ZFP64: variants seen among roughly 807,000 people sequenced by gnomAD.
ZFP64 encodes ZFP64 zinc finger protein, also known as zinc finger protein 64.
Under a neutral mutation model 51.6 loss-of-function variants are expected in ZFP64, and 14 were observed. That is an observed-to-expected ratio of 0.27 (90% CI 0.18 to 0.42). The LOEUF (loss-of-function observed/expected upper bound fraction) is 0.42. Ranked by LOEUF, ZFP64 falls within the 10% of genes least tolerant of loss-of-function variation. ZFP64 has a pLI of 1.00. For missense variants in ZFP64, 754 were observed against 906.8 expected, an observed-to-expected ratio of 0.83 and a Z score of 2.16; for synonymous variants, 375 against 361.4, an observed-to-expected ratio of 1.04 and a Z score of -0.43.
Position 52,129,614 on chromosome 20 carries a change from G to A in ZFP64, c.763+30509C>T, listed in dbSNP as rs1400484238. Among the ~76,000 whole-genome samples, 3 of 152,176 alleles carry A rather than the reference G, an allele frequency of 2.0e-5. No individual in the cohort carries two copies. The East Asian group carries it at 5.8e-4, about 30-fold the overall frequency. ...TTGTCTTCAATTGTGTAACTCCTAT[G>A]TAGCATTTTGACTCAGCTCAGGTGC... On this transcript the variant is annotated intron_variant, in intron 5 of 8. Transcript: ENST00000361387.
At chr20:52,132,232 G>A (rs1228845507) in intron 5 of ZFP64, among the ~76,000 whole-genome samples, 1 of 151,942 alleles carries the variant, frequency 6.6e-6, no homozygotes, top group Non-Finnish European at 1.5e-5. Flanking sequence ...GCATTAAAAG[G>A]AAAGTTTATA....
At chr20:52,135,324 T>C (rs1047228616) in intron 5 of ZFP64, among the ~76,000 whole-genome samples, 1 of 152,196 alleles carries the variant, frequency 6.6e-6, no homozygotes, top group African/African-American at 2.4e-5. Context: ...ATTTCCCTGC[T>C]ACCCCAGTGG....
chr20:52,174,082 C>T (rs1231597812), intron 2 of ZFP64, among the ~76,000 whole-genome samples: 1 of 152,082 alleles, frequency 6.6e-6, no homozygotes, highest in Non-Finnish European at 1.5e-5. Context: ...TGTTTCTTTC[C>T]ATTACTGTTC....
intron 2 of ZFP64, among the ~76,000 whole-genome samples, chr20:52,169,682 A>C (rs1323655283): frequency 6.6e-6 from 1 of 152,104 alleles, no homozygotes; most frequent in Non-Finnish European, 1.5e-5. Flanking sequence ...CAGATGTATA[A>C]TTTGCAAATA....
At chr20:52,100,654 T>C (rs948138150) in intron 5 of ZFP64, among the ~76,000 whole-genome samples, 1 of 152,164 alleles carries the variant, frequency 6.6e-6, no homozygotes, top group Non-Finnish European at 1.5e-5. Context: ...TATTGAGAAG[T>C]TTGTGCGGGT....
At chr20:52,104,443 A>G (rs2079087914) in intron 5 of ZFP64, among the ~76,000 whole-genome samples, 1 of 152,186 alleles carries the variant, frequency 6.6e-6, no homozygotes, top group Non-Finnish European at 1.5e-5. Flanking sequence ...GTTAAGTGCG[A>G]CAGCATCACT....
chr20:52,104,151 A>G (rs6091441), intron 5 of ZFP64, among the ~76,000 whole-genome samples: 27,475 of 152,256 alleles, frequency 0.18, 2,623 homozygotes, highest in Non-Finnish European at 0.21. Context: ...GTAGGAACCT[A>G]CAATCTCTTA....
intron 5 of ZFP64, among the ~76,000 whole-genome samples, chr20:52,103,958 T>C (rs1240017004): frequency 1.3e-5 from 2 of 152,128 alleles, no homozygotes; most frequent in South Asian, 2.1e-4. Context: ...GTGGTGGAAG[T>C]TGATGCGGAA....
At chr20:52,095,856 C>A (rs1362065854) in intron 7 of ZFP64, among the ~76,000 whole-genome samples, 1 of 152,202 alleles carries the variant, frequency 6.6e-6, no homozygotes, top group Non-Finnish European at 1.5e-5. Flanking sequence ...ATGGCAGTAG[C>A]CTAGCCCCAG....
chr20:52,107,324 G>A (rs1266303603), intron 5 of ZFP64, among the ~76,000 whole-genome samples: 2 of 151,996 alleles, frequency 1.3e-5, no homozygotes, highest in African/African-American at 4.8e-5. Flanking sequence ...CATTATTACT[G>A]GCCTATTGTT....
At chr20:52,158,069 T>C (rs920449161) in intron 5 of ZFP64, among the ~76,000 whole-genome samples, 37 of 152,216 alleles carry the variant, frequency 2.4e-4, no homozygotes, top group Non-Finnish European at 3.4e-4. Context: ...CAGTCTATCA[T>C]TGATGGGCAT....
At chr20:52,185,338 T>C (rs190024357) in intron 2 of ZFP64, among the ~76,000 whole-genome samples, 2 of 152,272 alleles carry the variant, frequency 1.3e-5, no homozygotes, top group African/African-American at 4.8e-5. Flanking sequence ...CATGAAGTTT[T>C]ATAGAATGAA....
At chr20:52,133,456 C>T (rs1317796368) in intron 5 of ZFP64, among the ~76,000 whole-genome samples, 1 of 152,082 alleles carries the variant, frequency 6.6e-6, no homozygotes, top group Non-Finnish European at 1.5e-5. Context: ...TTTGGAAAAA[C>T]CTAAGGACTC....
chr20:52,129,714 T>C (rs971253180), intron 5 of ZFP64, among the ~76,000 whole-genome samples: 2 of 152,138 alleles, frequency 1.3e-5, no homozygotes, highest in Admixed American at 1.3e-4. Context: ...ATGCTCCTCA[T>C]GGTGCCTGCT....
chr20:52,120,799 C>A (rs1979152527), intron 5 of ZFP64, among the ~76,000 whole-genome samples: 1 of 151,530 alleles, frequency 6.6e-6, no homozygotes, highest in Non-Finnish European at 1.5e-5. Context: ...GCCTCAGCCT[C>A]CCTAGTAGCT....
At chr20:52,100,184 T>C (rs1600702631) in intron 5 of ZFP64, among the ~76,000 whole-genome samples, 1 of 152,196 alleles carries the variant, frequency 6.6e-6, no homozygotes, top group Admixed American at 6.5e-5. Flanking sequence ...AGAGATGGGG[T>C]TCCACTGTGT....
intron 2 of ZFP64, among the ~76,000 whole-genome samples, chr20:52,167,428 A>T (rs538048468): frequency 3.6e-5 from 3 of 84,160 alleles, no homozygotes; most frequent in South Asian, 3.5e-4. Flanking sequence ...TTAAGTGACT[A>T]CTTTGTTAAC....
At chr20:52,159,302 G>GT (rs1981579430) in intron 5 of ZFP64, among the ~76,000 whole-genome samples, 1 of 152,182 alleles carries the variant, frequency 6.6e-6, no homozygotes, top group Non-Finnish European at 1.5e-5. Flanking sequence ...TTTGCTGTAT[G>GT]TTTTTTGGTC....
In ZFP64 at chr20:52,155,392, T is replaced by C. The variant is rs115316744; in HGVS notation, c.764-1964A>G. On this transcript the variant is annotated intron_variant, in intron 5 of 5. Coordinates refer to ENST00000216923, the MANE Select transcript of ZFP64 (RefSeq NM_018197.3). The stretch of plus-strand genomic sequence containing the variant: ...TCCCCACCCCCATTCAAGGACCTCC[T>C]TCCCAAATCTACTCATGGATTTCTC... Among the ~76,000 whole-genome samples, 1,382 of 152,286 alleles carry C rather than the reference T, an allele frequency of 9.1e-3. 27 individuals carry two copies. The highest frequency in any genetic ancestry group is 0.032 in the African/African-American group (1,309 of 41,550).
Sources: allele counts gnomAD v4.1 joint callset (sites outside exome capture counted in the v4.1 genomes callset), GRCh38; gene constraint gnomAD v4.1.1; transcripts MANE v1.5; gene names NCBI Gene and HGNC (gene_info 2026-07-23, HGNC 2026-07-21).